ADIPOR2: variants seen among roughly 807,000 people sequenced by gnomAD.
The protein encoded by ADIPOR2 is adiponectin receptor 2.
In ADIPOR2, 18 loss-of-function variants were observed where a neutral mutation model predicts 40.9. The observed-to-expected ratio is 0.44, with a 90% confidence interval of 0.30 to 0.65. The LOEUF is 0.65. Ranked by LOEUF, ADIPOR2 falls within the 30% of genes least tolerant of loss-of-function variation. ADIPOR2 has a pLI of 0.09. For synonymous variants in ADIPOR2, 165 were observed against 166.4 expected (o/e 0.99, Z 0.06); for missense variants, 283 against 479.2 (o/e 0.59, Z 3.82).
At chr12:1,724,136 G>A (rs920293933) in intron 1 of ADIPOR2, among the ~76,000 whole-genome samples, 3 of 151,830 alleles carry the variant, frequency 2.0e-5, no homozygotes, top group Non-Finnish European at 2.9e-5. Flanking sequence ...TGCCCGCCAC[G>A]ACGCCCAGCT....
chr12:1,764,563 A>ACC (rs1862334630), intron 2 of ADIPOR2, among the ~76,000 whole-genome samples: 1 of 79,244 alleles, frequency 1.3e-5, no homozygotes, highest in South Asian at 5.9e-4. Context: ...TATTAAACAC[A>ACC]CACACACACA....
intron 1 of ADIPOR2, among the ~76,000 whole-genome samples, chr12:1,719,694 T>TG (rs1468692031): frequency 6.6e-6 from 1 of 151,552 alleles, no homozygotes; most frequent in Non-Finnish European, 1.5e-5. Context: ...TTTTTTTTTT[T>TG]GGAGATAGTC....
chr12:1,717,745 G>A (rs1436566589), intron 1 of ADIPOR2, among the ~76,000 whole-genome samples: 1 of 151,964 alleles, frequency 6.6e-6, no homozygotes, highest in Non-Finnish European at 1.5e-5. Flanking sequence ...AAGCACTAGG[G>A]ACTAAGCAAG....
In ADIPOR2 at chr12:1,787,042, A is replaced by G. The variant is rs1862852400; in HGVS notation, c.*970A>G. The G allele has an allele frequency of 6.6e-6, 1 of 152,184 alleles. No homozygotes were observed. Among genetic ancestry groups the G allele is most frequent in the Non-Finnish European group, 1.5e-5 (1 of 68,038 alleles). 9.4% of individuals were successfully genotyped at this position (152,184 alleles called of 1,614,324 possible). A position where few individuals can be genotyped will look rare whatever the true frequency, so the allele number is the denominator to read the frequency against. ...ACTTCCTGGCATCCCGCTCACTTTT[A>G]TGGGAAGTCTTATTAGAGGGATGGG... On this transcript the variant is annotated 3_prime_UTR_variant, in exon 8 of 8. Transcript: ENST00000357103.
At chr12:1,782,981 T>TTC (rs1321898337) in intron 6 of ADIPOR2, among the ~76,000 whole-genome samples, 168 of 38,818 alleles carry the variant, frequency 4.3e-3, no homozygotes, top group African/African-American at 0.016. Flanking sequence ...TCTTTCTTTT[T>TTC]TTTTTTTTTT....
intron 6 of ADIPOR2, among the ~76,000 whole-genome samples, chr12:1,781,809 C>A (rs560176334): frequency 6.6e-6 from 1 of 152,144 alleles, no homozygotes; most frequent in South Asian, 2.1e-4. Context: ...CTGGATCATC[C>A]GGGGGTACCT....
chr12:1,730,088 G>A (rs2094716702), intron 1 of ADIPOR2, among the ~76,000 whole-genome samples: 1 of 152,130 alleles, frequency 6.6e-6, no homozygotes, highest in African/African-American at 2.4e-5. Context: ...TGTCACTCCT[G>A]AACATGAGAT....
intron 1 of ADIPOR2, among the ~76,000 whole-genome samples, chr12:1,713,747 G>C (rs2094682208): frequency 6.6e-6 from 1 of 152,108 alleles, no homozygotes; most frequent in Non-Finnish European, 1.5e-5. Flanking sequence ...CACTGAGAAG[G>C]TGGGAGAAAT....
intron 6 of ADIPOR2, among the ~76,000 whole-genome samples, chr12:1,783,663 C>G (rs933119106): frequency 6.6e-6 from 1 of 152,148 alleles, no homozygotes; most frequent in African/African-American, 2.4e-5. Context: ...CCGGCTGGCT[C>G]CTTGCATTTG....
chr12:1,781,462 CTGTTT>C (rs778675890), intron 6 of ADIPOR2, among the ~76,000 whole-genome samples: 20 of 151,970 alleles, frequency 1.3e-4, no homozygotes, highest in Non-Finnish European at 5.9e-5. Context: ...TTGTCATTTT[CTGTTT>C]TGTTTTATAT....
intron 2 of ADIPOR2, among the ~76,000 whole-genome samples, chr12:1,770,402 C>T (rs948282215): frequency 2.0e-5 from 3 of 152,146 alleles, no homozygotes; most frequent in South Asian, 2.1e-4. Flanking sequence ...CTCTTTGTTT[C>T]TGTTTCTTTG....
chr12:1,781,110 C>T (rs372682811), intron 6 of ADIPOR2, 34 bp downstream of exon 6: 1 of 1,501,862 alleles, frequency 6.7e-7, no homozygotes. Context: ...ATTCGACATT[C>T]ATTTATTCAC....
intron 1 of ADIPOR2, chr12:1,703,026 A>C (rs1183315206): frequency 6.6e-6 from 1 of 152,226 alleles, no homozygotes; most frequent in African/African-American, 2.4e-5. Flanking sequence ...TGTTTATTAA[A>C]AACTCTTAGG....
At chr12:1,716,923 A>G (rs1014348870) in intron 1 of ADIPOR2, among the ~76,000 whole-genome samples, 4 of 152,208 alleles carry the variant, frequency 2.6e-5, no homozygotes, top group African/African-American at 9.7e-5. Context: ...GTAGTAGAGA[A>G]TATGTGGAGA....
At chr12:1,773,916 A>G (rs147947644) in intron 3 of ADIPOR2, among the ~76,000 whole-genome samples, 2 of 152,340 alleles carry the variant, frequency 1.3e-5, no homozygotes, top group East Asian at 3.9e-4. Context: ...AAAAGAGAAC[A>G]TTGTGATCTG....
intron 2 of ADIPOR2, chr12:1,758,119 T>A (rs1466843957): frequency 1.2e-5 from 6 of 492,936 alleles, no homozygotes; most frequent in South Asian, 3.1e-5. Flanking sequence ...TGTGTTGTAA[T>A]ACTATATATT....
chr12:1,748,020 C>T (rs970319101), intron 1 of ADIPOR2, among the ~76,000 whole-genome samples: 3 of 152,000 alleles, frequency 2.0e-5, no homozygotes, highest in African/African-American at 7.2e-5. Flanking sequence ...TCCCCTCTAC[C>T]ACTTTTTCTC....
intron 1 of ADIPOR2, among the ~76,000 whole-genome samples, chr12:1,723,419 C>T (rs2094701536): frequency 7.3e-6 from 1 of 137,794 alleles, no homozygotes; most frequent in South Asian, 2.3e-4. Context: ...CACCTGAGGT[C>T]AGGAATTGGA....
intron 1 of ADIPOR2, among the ~76,000 whole-genome samples, chr12:1,750,094 G>A (rs1007191723): frequency 2.6e-5 from 4 of 151,750 alleles, no homozygotes; most frequent in African/African-American, 9.7e-5. Flanking sequence ...TCAGTCTCTT[G>A]TATTTGTTTA....
Sources: allele counts gnomAD v4.1 joint callset (sites outside exome capture counted in the v4.1 genomes callset), GRCh38; gene constraint gnomAD v4.1.1; transcripts MANE v1.5; gene names NCBI Gene and HGNC (gene_info 2026-07-23, HGNC 2026-07-21).